Variants in DMD observed in about 807,000 individuals in gnomAD.
DMD encodes the protein mutant dystrophin.
DMD carries 63 observed loss-of-function variants against 330.1 expected under a neutral mutation model. The observed-to-expected ratio is 0.19, with a 90% confidence interval of 0.16 to 0.24. The LOEUF is 0.24. Ranked by LOEUF, DMD falls within the 10% of genes least tolerant of loss-of-function variation. The pLI is 1.00. For missense variants in DMD, 3,344 were observed against 2,684.1 expected, an observed-to-expected ratio of 1.25 and a Z score of -5.43; for synonymous variants, 1,223 against 959.8, an observed-to-expected ratio of 1.27 and a Z score of -5.07.
At chrX:32,671,511 G>A (rs1327546034) in intron 9 of DMD, among the ~76,000 whole-genome samples, 4 of 111,365 alleles carry the variant, frequency 3.6e-5, no homozygotes, top group African/African-American at 9.7e-5. Flanking sequence ...GGCTATTTCT[G>A]CATATATTTT....
chrX:32,600,504 GT>G (rs66908307), intron 12 of DMD, among the ~76,000 whole-genome samples: 32 of 94,225 alleles, frequency 3.4e-4, no homozygotes, highest in Non-Finnish European at 3.9e-4. Flanking sequence ...TATATGTAAA[GT>G]TTTTTTTTTT....
intron 4 of DMD, among the ~76,000 whole-genome samples, chrX:32,839,730 AT>A (rs61327287): frequency 0.48 from 49,497 of 103,728 alleles, 9,239 homozygotes; most frequent in African/African-American, 0.63. Context: ...AAGATAATGC[AT>A]TTTTTTTTTT....
chrX:31,504,311 T>C (rs1232110744), intron 56 of DMD, among the ~76,000 whole-genome samples: 4 of 111,805 alleles, frequency 3.6e-5, no homozygotes, highest in South Asian at 3.7e-4. Context: ...CAAGGATATC[T>C]CTTATGAGCC....
chrX:31,417,972 A>G (rs1210870778), intron 60 of DMD, among the ~76,000 whole-genome samples: 4 of 108,050 alleles, frequency 3.7e-5, no homozygotes, highest in African/African-American at 1.4e-4. Flanking sequence ...TACAGGCGTG[A>G]GCCACCGTGC....
chrX:31,126,498 A>AG, intron 78 of DMD, 144 bp downstream of exon 78: 1 of 524,401 alleles, frequency 1.9e-6, no homozygotes, highest in South Asian at 2.8e-5. Flanking sequence ...CTGCAAGTGG[A>AG]GAGGTGACTA....
chrX:32,579,996 G>A (rs891852776), intron 13 of DMD, among the ~76,000 whole-genome samples: 6 of 100,626 alleles, frequency 6.0e-5, no homozygotes, highest in African/African-American at 2.3e-4. Context: ...TTCTTTGCAG[G>A]ATATTATTTA....
chrX:33,149,133 T>A (rs1428269553), intron 1 of DMD, among the ~76,000 whole-genome samples: 1 of 110,969 alleles, frequency 9.0e-6, no homozygotes, highest in Non-Finnish European at 1.9e-5. Flanking sequence ...TTACATTGTA[T>A]TATATAATAA....
At chrX:31,233,918 A>T (rs191039179) in intron 63 of DMD, among the ~76,000 whole-genome samples, 10 of 111,812 alleles carry the variant, frequency 8.9e-5, no homozygotes, top group Non-Finnish European at 1.9e-4. Flanking sequence ...TTCGTTGGTC[A>T]GTTTGGGCTC....
In DMD at chrX:32,348,540, G is replaced by A; in HGVS notation, c.5326-12C>T. The A allele has an allele frequency of 8.4e-7, 1 of 1,184,578 alleles. No individual in the cohort carries two copies. The highest frequency in any genetic ancestry group is 1.1e-6 in the Non-Finnish European group (1 of 876,756). On this transcript the variant is annotated splice_polypyrimidine_tract_variant and intron_variant, in intron 37 of 78. Transcript: ENST00000357033. Reference sequence around the variant, plus strand: ...AAAGGAATGGAGGCCTAAAAAAAAAGATAGTGCTACTTTAAATCAAAATTA... The same window carrying A: ...AAAGGAATGGAGGCCTAAAAAAAAAAATAGTGCTACTTTAAATCAAAATTA...
intron 1 of DMD, among the ~76,000 whole-genome samples, chrX:33,196,583 T>C (rs1292466038): frequency 8.9e-6 from 1 of 112,198 alleles, no homozygotes; most frequent in Admixed American, 9.5e-5. Context: ...GGTATCCAAA[T>C]GTACATTTAT....
At chrX:32,132,900 C>A (rs769204257) in intron 44 of DMD, among the ~76,000 whole-genome samples, 10 of 109,695 alleles carry the variant, frequency 9.1e-5, no homozygotes, top group Non-Finnish European at 1.9e-4. Context: ...AAAGGAGACC[C>A]AAAATGTAGG....
chrX:31,253,891 C>T (rs1197657918), intron 63 of DMD, among the ~76,000 whole-genome samples: 2 of 112,213 alleles, frequency 1.8e-5, no homozygotes, highest in Non-Finnish European at 3.8e-5. Flanking sequence ...ATTCCAAAAA[C>T]ACTCAGAAGT....
intron 2 of DMD, among the ~76,000 whole-genome samples, chrX:32,858,504 A>AT (rs1268830243): frequency 9.0e-6 from 1 of 110,687 alleles, no homozygotes; most frequent in African/African-American, 3.3e-5. Context: ...TCAGTTTTGT[A>AT]TTTTTAGTAG....
At position 33,328,260 on chromosome X, in the gene DMD, C is replaced by G. The variant is rs112081647; in HGVS notation, c.7+10999G>C. On this transcript the variant is annotated intron_variant, in intron 1 of 17. Transcript: ENST00000288447. ...ACTCTGTCACCCAGGTTGGAGTGCA[C>G]TGGCACGATCTTGACTCATTGCAAC... Among the ~76,000 whole-genome samples, 495 of 111,364 alleles carry G rather than the reference C, an allele frequency of 4.4e-3. 2 individuals carry two copies. Among genetic ancestry groups the G allele is most frequent in the African/African-American group, 0.016 (477 of 30,699 alleles).
At chrX:32,637,838 C>G (rs954051688) in intron 11 of DMD, among the ~76,000 whole-genome samples, 1 of 111,719 alleles carries the variant, frequency 9.0e-6, no homozygotes, top group Non-Finnish European at 1.9e-5. Context: ...CCACCAGGTC[C>G]CTCCCACAAC....
chrX:32,760,314 G>T (rs970397887), intron 7 of DMD, among the ~76,000 whole-genome samples: 1 of 101,838 alleles, frequency 9.8e-6, no homozygotes, highest in African/African-American at 3.7e-5. Context: ...GTATTTAACA[G>T]CATTATTCAA....
chrX:32,518,021 T>G lies in DMD; in HGVS notation c.2279A>C (p.Lys760Thr), dbSNP rs755326440. The change falls in exon 18 of 79, where the codon AAA becomes ACA. Residue 760 changes from lysine (K) to threonine (T), a missense_variant. Coordinates refer to ENST00000357033, the MANE Select transcript of DMD (RefSeq NM_004006.3). ...TGCATAACCTACATTGACTTTTTCT[T>G]TTAAGTCTGAGAAGTTGCCTTCCTT... ...FRKEGNFSDL[K>T]EKVNAIEREK... 4.1e-6 allele frequency: 5 copies of G among 1,209,283 alleles called. No individual in the cohort carries two copies. The Admixed American group carries it at 8.7e-5, about 21-fold the overall frequency.
intron 44 of DMD, among the ~76,000 whole-genome samples, chrX:32,183,581 T>TAA (rs1368110718): frequency 7.2e-4 from 74 of 102,497 alleles, no homozygotes; most frequent in Admixed American, 1.2e-3. Context: ...AATATATATA[T>TAA]ATATATATGT....
chrX:32,368,138 G>A (rs928371624), intron 34 of DMD, among the ~76,000 whole-genome samples: 4 of 111,378 alleles, frequency 3.6e-5, no homozygotes, highest in South Asian at 7.4e-4. Flanking sequence ...GCTTTCTGGA[G>A]ATCTGAAATA....
Sources: allele counts gnomAD v4.1 joint callset (sites outside exome capture counted in the v4.1 genomes callset), GRCh38; gene constraint gnomAD v4.1.1; transcripts MANE v1.5; gene names NCBI Gene and HGNC (gene_info 2026-07-23, HGNC 2026-07-21).